The following VEGFA variants were observed in gnomAD, a reference collection of about 807,000 sequenced individuals.
VEGFA encodes the protein vascular endothelial growth factor A, long form.
A neutral mutation model predicts 49.7 loss-of-function variants in VEGFA; 20 were observed. The ratio of observed to expected loss-of-function variants is 0.40; its 90% CI spans 0.28 to 0.58. The LOEUF is 0.58. VEGFA is among the 20% of genes least tolerant of loss of function. The pLI is 0.40. For missense variants in VEGFA, 505 were observed against 553.5 expected, an observed-to-expected ratio of 0.91 and a Z score of 0.88; for synonymous variants, 219 against 223.4, an observed-to-expected ratio of 0.98 and a Z score of 0.18.
intron 1 of VEGFA, 142 bp downstream of exon 1, chr6:43,771,454 T>C (rs1763521965): frequency 1.1e-6 from 1 of 887,444 alleles, no homozygotes; most frequent in African/African-American, 1.8e-5. Flanking sequence ...CCCTCTGTCG[T>C]CTTAGGTGCA....
At position 43,777,515 on chromosome 6, in the gene VEGFA, C is replaced by T. The variant is rs375773218; in HGVS notation, c.705C>T (p.Ile235=). Residue 235 remains isoleucine, a synonymous_variant, in exon 3 of 8, where the codon ATC becomes ATT. Coordinates refer to ENST00000672860, the MANE Select transcript of VEGFA (RefSeq NM_003376.6). This position sits in a 1 kb window ranked among gnomAD's most constrained non-coding sequence, Gnocchi z 4.3. Reference sequence around the variant, plus strand: ...ATCAGCGCAGCTACTGCCATCCAATCGAGACCCTGGTGGACATCTTCCAGG... The same window carrying T: ...ATCAGCGCAGCTACTGCCATCCAATTGAGACCCTGGTGGACATCTTCCAGG... The T allele has an allele frequency of 1.9e-5, 30 of 1,614,192 alleles. No homozygotes were observed. Among genetic ancestry groups the T allele is most frequent in the South Asian group, 3.3e-5 (3 of 91,086 alleles).
At position 43,771,102 on chromosome 6, in the gene VEGFA, C is replaced by G. The variant is rs777600095; in HGVS notation, c.396C>G (p.Ala132=). Reference sequence around the variant, plus strand: ...CGGTGTGCGCAGACAGTGCTCCAGCCGCGCGCGCTCCCCAGGCCCTGGCCC... The same window carrying G: ...CGGTGTGCGCAGACAGTGCTCCAGCGGCGCGCGCTCCCCAGGCCCTGGCCC... Residue 132 remains alanine (A), a synonymous_variant, in exon 1 of 8, where the codon GCC becomes GCG. Coordinates refer to ENST00000672860, the MANE Select transcript of VEGFA (RefSeq NM_003376.6). 1 of 1,466,952 alleles carries G rather than the reference C, an allele frequency of 6.8e-7. No individual in the cohort carries two copies. The highest frequency in any genetic ancestry group is 1.4e-5 in the South Asian group (1 of 71,022). 90.9% of individuals were successfully genotyped at this position (1,466,952 alleles called of 1,614,324 possible).
intron 5 of VEGFA, 63 bp from the exon 6 acceptor site, chr6:43,780,669 C>T: frequency 6.4e-7 from 1 of 1,561,904 alleles, no homozygotes; most frequent in Admixed American, 1.7e-5. Flanking sequence ...GCCCACCTTA[C>T]CACTTCTTTT....
Position 43,770,674 on chromosome 6 carries a change from T to C in VEGFA, c.-33T>C, listed in dbSNP as rs1561978189. 2.6e-6 allele frequency: 4 copies of C among 1,533,058 alleles called. No homozygotes were observed. Among genetic ancestry groups the C allele is most frequent in the Admixed American group, 2.0e-5 (1 of 49,784 alleles). The allele number at this position is 1,533,058 out of a possible 1,614,324, so 95.0% of individuals were successfully genotyped here. A position where few individuals can be genotyped will look rare whatever the true frequency, so the allele number is the denominator to read the frequency against. On this transcript the variant is annotated 5_prime_UTR_variant, in exon 1 of 8. Coordinates refer to ENST00000672860, the MANE Select transcript of VEGFA (RefSeq NM_003376.6). The stretch of plus-strand genomic sequence containing the variant: ...GACCGCCGGAGCGCGGCGTGAGCCC[T>C]CCCCCTTGGGATCCCGCAGCTGACC...
chr6:43,770,348 A>C lies in VEGFA; in HGVS notation c.-359A>C. On this transcript the variant is annotated 5_prime_UTR_variant, in exon 1 of 8. Transcript: ENST00000672860. ...AGGGCGCTCGGTGCTGGAATTTGAT[A>C]TTCATTGATCCGGGTTTTATCCCTC... 1 of 299,458 alleles carries C rather than the reference A, an allele frequency of 3.3e-6. No individual in the cohort carries two copies. The highest frequency in any genetic ancestry group is 5.2e-5 in the Admixed American group (1 of 19,098). The allele number at this position is 299,458 out of a possible 1,614,324, so 18.6% of individuals were successfully genotyped here.
chr6:43,776,668 G>A (rs1335958048), intron 2 of VEGFA: 1 of 152,848 alleles, frequency 6.5e-6, no homozygotes, highest in African/African-American at 2.4e-5. Context: ...TGCCACCTGT[G>A]GGTTCCAGGA....
In VEGFA at chr6:43,770,841, CG is replaced by C. The variant is rs769147442; in HGVS notation, c.139del (p.Ala47LeufsTer6). 6.5e-7 allele frequency: 1 copy of C among 1,529,574 alleles called. No individual in the cohort carries two copies. Among genetic ancestry groups the C allele is most frequent in the South Asian group, 1.2e-5 (1 of 81,600 alleles). The allele number at this position is 1,529,574 out of a possible 1,614,324, so 94.8% of individuals were successfully genotyped here. A position where few individuals can be genotyped will look rare whatever the true frequency, so the allele number is the denominator to read the frequency against. ...CGCCCGGAGGCGGGGTGGAGGGGGT[CG>C]GGGCTCGCGGCGTCGCACTGAAACT... On this transcript the variant is annotated frameshift_variant, in exon 1 of 8. Coordinates refer to ENST00000672860, the MANE Select transcript of VEGFA (RefSeq NM_003376.6). LOFTEE classifies it high-confidence loss of function.
intron 6 of VEGFA, 33 bp downstream of exon 6, chr6:43,780,836 G>A: frequency 6.2e-7 from 1 of 1,613,812 alleles, no homozygotes; most frequent in South Asian, 1.1e-5. Flanking sequence ...CTAATGCCCT[G>A]GAGCCTCCCT....
intron 5 of VEGFA, chr6:43,779,305 T>C: frequency 2.4e-6 from 1 of 409,866 alleles, no homozygotes; most frequent in Non-Finnish European, 4.5e-6. Context: ...TCAGAGGAAA[T>C]GGCCTCTTTT....
In VEGFA at chr6:43,777,054, G is replaced by A; in HGVS notation, c.659-415G>A. ...GACGTTATGGTAGTGGTTGTGGGGA[G>A]GACGTAGGAAACTGGAGACTAGCTT... On this transcript the variant is annotated intron_variant, in intron 2 of 7. Coordinates refer to ENST00000672860, the MANE Select transcript of VEGFA (RefSeq NM_003376.6). The surrounding 1 kb of genome is among the most constrained non-coding windows in gnomAD (Gnocchi z 4.3). 2.9e-6 allele frequency: 1 copy of A among 350,768 alleles called. No homozygotes were observed. The highest frequency in any genetic ancestry group is 2.3e-5 in the South Asian group (1 of 43,934). 21.7% of individuals were successfully genotyped at this position (350,768 alleles called of 1,614,324 possible).
intron 6 of VEGFA, 39 bp downstream of exon 6, chr6:43,780,842 T>C (rs753526479): frequency 3.7e-6 from 6 of 1,613,286 alleles, no homozygotes; most frequent in Non-Finnish European, 4.2e-6. Context: ...CCCTGGAGCC[T>C]CCCTGGCCCC....
chr6:43,780,926 T>C (rs1172798960), intron 6 of VEGFA, 123 bp downstream of exon 6: 20 of 1,609,324 alleles, frequency 1.2e-5, no homozygotes, highest in Non-Finnish European at 1.7e-5. Context: ...CTCATCCTCC[T>C]GGCCCGTGTC....
intron 5 of VEGFA, chr6:43,780,386 G>A: frequency 2.3e-5 from 9 of 384,748 alleles, no homozygotes; most frequent in South Asian, 2.0e-4. Context: ...CTCAGGCTTT[G>A]CCCCCTGCCG....
chr6:43,780,684 C>A, intron 5 of VEGFA, 48 bp from the exon 6 acceptor site: 3 of 1,592,336 alleles, frequency 1.9e-6, no homozygotes, highest in African/African-American at 1.3e-5. Flanking sequence ...TCTTTTACTC[C>A]CCCCACCGCC....
chr6:43,770,483 T>C lies in VEGFA; in HGVS notation c.-224T>C, dbSNP rs1763235208. 9.7e-7 allele frequency: 1 copy of C among 1,028,546 alleles called. No homozygotes were observed. Among genetic ancestry groups the C allele is most frequent in the Non-Finnish European group, 1.3e-6 (1 of 789,200 alleles). 63.7% of individuals were successfully genotyped at this position (1,028,546 alleles called of 1,614,324 possible). A position where few individuals can be genotyped will look rare whatever the true frequency, so the allele number is the denominator to read the frequency against. On this transcript the variant is annotated 5_prime_UTR_variant, in exon 1 of 8. Transcript: ENST00000672860. ...GGCCGACGGCTTGGGGAGATTGCTCTACTTCCCCAAATCACTGTGGATTTT... is the reference window on the plus strand; with the variant it reads ...GGCCGACGGCTTGGGGAGATTGCTCCACTTCCCCAAATCACTGTGGATTTT...
At chr6:43,774,419 G>T (rs369826644) in intron 2 of VEGFA, 27 bp downstream of exon 2, 522 of 1,614,032 alleles carry the variant, frequency 3.2e-4, no homozygotes, top group Non-Finnish European at 3.7e-4. Context: ...GTTGGATGGG[G>T]TTCCCTGTCC....
At position 43,777,566 on chromosome 6, in the gene VEGFA, C is replaced by G. The variant is rs770795261; in HGVS notation, c.756C>G (p.Ile252Met). ...AGTACCCTGATGAGATCGAGTACAT[C>G]TTCAAGCCATCCTGTGTGCCCCTGA... is the stretch of plus-strand genomic sequence containing the variant. The change falls in exon 3 of 8, where the codon ATC becomes ATG. Residue 252 changes from isoleucine (I) to methionine (M), a missense_variant. By Grantham distance (10) the Ile-to-Met change is conservative. Coordinates refer to ENST00000672860, the MANE Select transcript of VEGFA (RefSeq NM_003376.6). This position sits in a 1 kb window ranked among gnomAD's most constrained non-coding sequence, Gnocchi z 4.3. 6.2e-7 allele frequency: 1 copy of G among 1,614,202 alleles called. No homozygotes were observed. Among genetic ancestry groups the G allele is most frequent in the Admixed American group, 1.7e-5 (1 of 60,026 alleles).
chr6:43,783,126 C>G (rs1266840822), intron 7 of VEGFA: 1 of 152,340 alleles, frequency 6.6e-6, no homozygotes, highest in Non-Finnish European at 1.5e-5. Flanking sequence ...AGCACAGGGT[C>G]GGGACAGGTG....
intron 1 of VEGFA, among the ~76,000 whole-genome samples, chr6:43,772,582 C>T (rs1343649273): frequency 6.6e-6 from 1 of 152,342 alleles, no homozygotes; most frequent in South Asian, 2.1e-4. Flanking sequence ...AAAGGAGCTC[C>T]TGCCAGCCTT....
Sources: gnomAD v4.1 joint callset for allele counts (sites outside exome capture counted in the v4.1 genomes callset) on GRCh38, gnomAD v4.1.1 for gene constraint, Gnocchi (gnomAD v3.1) non-coding constraint, MANE v1.5 for transcripts, NCBI Gene and HGNC (gene_info 2026-07-23, HGNC 2026-07-21) for gene names.